SFXN4: variants seen among roughly 807,000 people sequenced by gnomAD.
SFXN4 encodes the protein sideroflexin-4.
A neutral mutation model predicts 54.6 loss-of-function variants in SFXN4; 48 were observed. The observed-to-expected ratio is 0.88, with a 90% confidence interval of 0.70 to 1.12. SFXN4 has a LOEUF of 1.12. Among genes scored for constraint, SFXN4 ranks in the 50% most tolerant of loss-of-function variants. The pLI is 0.00. For synonymous variants in SFXN4, 130 were observed against 145.5 expected, an observed-to-expected ratio of 0.89 and a Z score of 0.77; for missense variants, 383 against 409.2, an observed-to-expected ratio of 0.94 and a Z score of 0.55.
At chr10:119,160,809 A>T (rs766396617) in intron 5 of SFXN4, 106 bp downstream of exon 5, 5 of 1,130,704 alleles carry the variant, frequency 4.4e-6, no homozygotes, top group Non-Finnish European at 6.7e-6. Context: ...CATGTTGGCC[A>T]GGCTGGTCTC....
At chr10:119,164,639 A>G (rs973624988) in intron 1 of SFXN4, among the ~76,000 whole-genome samples, 1 of 152,128 alleles carries the variant, frequency 6.6e-6, no homozygotes, top group African/African-American at 2.4e-5. Context: ...TAAGGGCTCA[A>G]TGGTGCAGCT....
chr10:119,146,255 A>G lies in SFXN4; in HGVS notation c.917T>C (p.Ile306Thr). 6.2e-7 allele frequency: 1 copy of G among 1,608,734 alleles called. No individual in the cohort carries two copies. Among genetic ancestry groups the G allele is most frequent in the Non-Finnish European group, 8.5e-7 (1 of 1,175,446 alleles). ...ACTTACCTGTCCAATCTGTGGAAAT[A>G]TACTAAAAGAAAATGGCACCATCAG... is the stretch of plus-strand genomic sequence containing the variant. ...MGLMVPFSFS[I>T]FPQIGQIQYC... Residue 306 changes from isoleucine to threonine, a missense_variant, in exon 13 of 14, where the codon ATA (isoleucine) becomes ACA (threonine). Physicochemically the swap from Ile to Thr is moderately conservative, Grantham distance 89 (BLOSUM62 -1). Transcript: ENST00000355697.
At chr10:119,164,643 T>C (rs1847695187) in intron 1 of SFXN4, among the ~76,000 whole-genome samples, 1 of 152,088 alleles carries the variant, frequency 6.6e-6, no homozygotes, top group Non-Finnish European at 1.5e-5. Context: ...GGCTCAATGG[T>C]GCAGCTGGGG....
chr10:119,155,229 C>CTTTGCTGG, intron 10 of SFXN4, 52 bp from the exon 11 acceptor site: 3 of 1,275,356 alleles, frequency 2.4e-6, no homozygotes, highest in East Asian at 2.3e-5. Context: ...AGTCTTGTTC[C>CTTTGCTGG]AGCAAAGGAA....
intron 11 of SFXN4, among the ~76,000 whole-genome samples, chr10:119,153,402 CAAA>C (rs34129853): frequency 3.0e-5 from 3 of 98,376 alleles, no homozygotes; most frequent in Admixed American, 1.1e-4. Context: ...GACCCTGTCT[CAAA>C]AAAAAAAAAA....
chr10:119,165,668 CG>C lies in SFXN4; in HGVS notation c.-22del, dbSNP rs1564831922. On this transcript the variant is annotated 5_prime_UTR_variant, in exon 1 of 14. Coordinates refer to ENST00000355697, the MANE Select transcript of SFXN4 (RefSeq NM_213649.2). The stretch of plus-strand genomic sequence containing the variant: ...GACATTTTGCGCTGGTTAGAGTGGC[CG>C]CCGCCGCCAGGCCGCGCGTGGAGGA... 1.3e-6 allele frequency: 2 copies of C among 1,533,542 alleles called. No individual in the cohort carries two copies. The highest frequency in any genetic ancestry group is 2.9e-5 in the African/African-American group (2 of 69,752). 95.0% of individuals were successfully genotyped at this position (1,533,542 alleles called of 1,614,324 possible).
chr10:119,161,436 A>C (rs7069665), intron 3 of SFXN4, among the ~76,000 whole-genome samples: 88,159 of 118,192 alleles, frequency 0.75, 30,347 homozygotes, highest in East Asian at 0.86. Flanking sequence ...ACAAAAAAAA[A>C]CAAAAAAAAA....
intron 3 of SFXN4, among the ~76,000 whole-genome samples, chr10:119,161,470 A>G (rs992518163): frequency 6.6e-6 from 1 of 151,146 alleles, no homozygotes; most frequent in Admixed American, 6.6e-5. Context: ...AAGGTGGCTC[A>G]ACAGCAAAGA....
At chr10:119,145,681 T>C (rs1846762738) in intron 13 of SFXN4, among the ~76,000 whole-genome samples, 1 of 152,184 alleles carries the variant, frequency 6.6e-6, no homozygotes, top group African/African-American at 2.4e-5. Context: ...ATATAAAATA[T>C]GTGTTACTTG....
At chr10:119,147,009 G>A (rs1299530837) in intron 12 of SFXN4, among the ~76,000 whole-genome samples, 1 of 152,222 alleles carries the variant, frequency 6.6e-6, no homozygotes, top group Non-Finnish European at 1.5e-5. Context: ...TCTGCCCTGA[G>A]GGGAAGACAT....
intron 1 of SFXN4, 39 bp downstream of exon 1, chr10:119,165,498 C>T (rs1418901786): frequency 6.5e-7 from 1 of 1,529,176 alleles, no homozygotes; most frequent in African/African-American, 1.4e-5. Flanking sequence ...CCCGGCCCGC[C>T]CCCTCCCTGC....
At chr10:119,155,535 C>T (rs566968146) in intron 10 of SFXN4, among the ~76,000 whole-genome samples, 57 of 152,242 alleles carry the variant, frequency 3.7e-4, no homozygotes, top group African/African-American at 1.4e-3. Flanking sequence ...TCTTGTTGCC[C>T]AGGCTGGAGT....
chr10:119,160,374 G>T (rs768384282), intron 5 of SFXN4, among the ~76,000 whole-genome samples: 1 of 151,666 alleles, frequency 6.6e-6, no homozygotes, highest in Admixed American at 6.6e-5. Context: ...AATTAGCTGG[G>T]CATGGTGGCA....
intron 6 of SFXN4, 74 bp from the exon 7 acceptor site, chr10:119,158,136 CAGGGGAGAG>C (rs1272322687): frequency 7.1e-7 from 1 of 1,403,510 alleles, no homozygotes; most frequent in Non-Finnish European, 1.0e-6. Flanking sequence ...AAGAACTTTC[CAGGGGAGAG>C]GGAGAATTGA....
At chr10:119,154,177 CAAAAAAAA>C (rs575293435) in intron 11 of SFXN4, among the ~76,000 whole-genome samples, 1 of 98,704 alleles carries the variant, frequency 1.0e-5, no homozygotes, top group African/African-American at 3.8e-5. Context: ...GACTCCGTCT[CAAAAAAAA>C]AAAAAAAGAA....
chr10:119,154,480 AG>A (rs1168098747), intron 11 of SFXN4, among the ~76,000 whole-genome samples: 3 of 152,128 alleles, frequency 2.0e-5, no homozygotes, highest in Non-Finnish European at 4.4e-5. Flanking sequence ...TGAACTCAGG[AG>A]TGAATGGGAG....
chr10:119,142,923 G>A (rs1189086693), intron 13 of SFXN4, among the ~76,000 whole-genome samples: 4 of 151,102 alleles, frequency 2.6e-5, no homozygotes, highest in East Asian at 2.0e-4. Flanking sequence ...TAGTAGAGAC[G>A]GGGTTTCACT....
chr10:119,145,781 GACTACTA>G (rs1240055886), intron 13 of SFXN4, among the ~76,000 whole-genome samples: 6 of 152,038 alleles, frequency 3.9e-5, no homozygotes, highest in African/African-American at 1.4e-4. Flanking sequence ...TTGGATTTTT[GACTACTA>G]ACCCCCAGGT....
rs367932369 is a variant in SFXN4 at position 119,157,870 on chromosome 10, C to A, written c.471+1G>T. 6.2e-7 allele frequency: 1 copy of A among 1,614,058 alleles called. No homozygotes were observed. The highest frequency in any genetic ancestry group is 1.3e-5 in the African/African-American group (1 of 74,940). On this transcript the variant is annotated splice_donor_variant, in intron 8 of 13. Coordinates refer to ENST00000355697, the MANE Select transcript of SFXN4 (RefSeq NM_213649.2). LOFTEE classifies it high-confidence loss of function. ...CACTCTCTGGGTCTCATAATACTCA[C>A]GTAACTTCTGTTTCCATTGATGCTG...
Sources: gnomAD v4.1 joint callset for allele counts (sites outside exome capture counted in the v4.1 genomes callset) on GRCh38, gnomAD v4.1.1 for gene constraint, MANE v1.5 for transcripts, NCBI Gene and HGNC (gene_info 2026-07-23, HGNC 2026-07-21) for gene names.